ERBB4: variants seen among roughly 807,000 people sequenced by gnomAD.
ERBB4 encodes the protein erb-b2 receptor tyrosine kinase 4, also known as receptor tyrosine-protein kinase erbB-4.
A neutral mutation model predicts 158.0 loss-of-function variants in ERBB4; 42 were observed. That is an observed-to-expected ratio of 0.27 (90% confidence interval 0.21 to 0.34). The LOEUF (loss-of-function observed/expected upper bound fraction) is 0.34, where lower values mean the gene tolerates loss of function less well. Among genes scored for constraint, ERBB4 ranks in the 10% least tolerant of loss-of-function variants. The pLI, the probability that ERBB4 is intolerant of heterozygous loss-of-function variation, is 1.00. For missense variants in ERBB4, 1,333 were observed against 1,624.1 expected (o/e 0.82, Z 3.08); for synonymous variants, 583 against 558.7 (o/e 1.04, Z -0.61).
intron 2 of ERBB4, among the ~76,000 whole-genome samples, chr2:212,021,648 G>A (rs6435684): frequency 0.63 from 95,457 of 151,960 alleles, 33,337 homozygotes; most frequent in East Asian, 0.93. Context: ...ATACCATTCA[G>A]GACATGGGCA....
At chr2:211,812,574 A>T (rs1336731196) in intron 3 of ERBB4, among the ~76,000 whole-genome samples, 1 of 152,182 alleles carries the variant, frequency 6.6e-6, no homozygotes, top group Non-Finnish European at 1.5e-5. Context: ...CTCTCCTCAG[A>T]GCTGTCAGAC....
At chr2:211,925,150 A>C (rs985742943) in intron 3 of ERBB4, among the ~76,000 whole-genome samples, 1 of 152,198 alleles carries the variant, frequency 6.6e-6, no homozygotes, top group African/African-American at 2.4e-5. Flanking sequence ...CACAGGAAGA[A>C]AACACCAGCT....
intron 3 of ERBB4, among the ~76,000 whole-genome samples, chr2:211,823,353 T>G (rs67938035): frequency 1.3e-5 from 2 of 151,644 alleles, no homozygotes; most frequent in East Asian, 3.9e-4. Flanking sequence ...AGACCCAAGC[T>G]TAATCTAGTA....
chr2:212,303,448 AC>A (rs929104974), intron 1 of ERBB4, among the ~76,000 whole-genome samples: 1 of 149,282 alleles, frequency 6.7e-6, no homozygotes, highest in African/African-American at 2.5e-5. Context: ...ACTTTGTTCT[AC>A]TGATATTTGA....
intron 1 of ERBB4, among the ~76,000 whole-genome samples, chr2:212,444,363 C>T (rs1302131392): frequency 6.6e-6 from 1 of 152,068 alleles, no homozygotes. Flanking sequence ...GGAGAAATGG[C>T]CAGATGTGCG....
rs747886025 is a variant in ERBB4 at position 211,386,970 on chromosome 2, C to A, written c.3364G>T (p.Asp1122Tyr). The A allele has an allele frequency of 1.2e-6, 2 of 1,614,092 alleles. No homozygotes were observed. The highest frequency in any genetic ancestry group is 3.3e-5 in the Admixed American group (2 of 60,008). ...GCACTGTACCTCTGGGTGCTACTGT[C>A]CTCTTGGACATGGGGTGCCACTGGC... ...RKPVAPHVQE[D>Y]SSTQRYSADP... is the part of the protein sequence containing the mutation. Residue 1122 changes from aspartate (D) to tyrosine (Y), a missense_variant, in exon 27 of 28, where the codon GAC becomes TAC. Asp to Tyr is a radical substitution (Grantham distance 160). Transcript: ENST00000342788.
chr2:212,297,103 T>G (rs1044703863), intron 1 of ERBB4, among the ~76,000 whole-genome samples: 1 of 152,032 alleles, frequency 6.6e-6, no homozygotes, highest in Non-Finnish European at 1.5e-5. Context: ...AAATGTGGTA[T>G]TATTCACATC....
At chr2:212,397,207 G>T in intron 1 of ERBB4, among the ~76,000 whole-genome samples, 1 of 152,116 alleles carries the variant, frequency 6.6e-6, no homozygotes, top group East Asian at 1.9e-4. Flanking sequence ...GGCCATGGTG[G>T]TTCATGCCTG....
chr2:211,417,971 G>T (rs1461818754), intron 25 of ERBB4, among the ~76,000 whole-genome samples: 1 of 152,064 alleles, frequency 6.6e-6, no homozygotes, highest in African/African-American at 2.4e-5. Context: ...ACTCATATAA[G>T]ATAGGCAATA....
intron 1 of ERBB4, among the ~76,000 whole-genome samples, chr2:212,357,066 T>C (rs1031215946): frequency 1.1e-4 from 16 of 151,944 alleles, no homozygotes; most frequent in Non-Finnish European, 1.2e-4. Flanking sequence ...AATAGTGTCT[T>C]ATACATAAGT....
chr2:212,355,796 G>T (rs2089441344), intron 1 of ERBB4, among the ~76,000 whole-genome samples: 1 of 151,818 alleles, frequency 6.6e-6, no homozygotes, highest in Non-Finnish European at 1.5e-5. Context: ...ATGCATGTAT[G>T]TATATATGTG....
intron 1 of ERBB4, among the ~76,000 whole-genome samples, chr2:212,314,935 C>T (rs1023002581): frequency 6.6e-6 from 1 of 151,148 alleles, no homozygotes; most frequent in East Asian, 2.0e-4. Context: ...AATTAACAAT[C>T]CCAAGCTTGT....
At chr2:212,259,220 A>G (rs923211173) in intron 1 of ERBB4, among the ~76,000 whole-genome samples, 1 of 152,186 alleles carries the variant, frequency 6.6e-6, no homozygotes, top group Non-Finnish European at 1.5e-5. Flanking sequence ...ATATTAAAAT[A>G]ACAGTCTAAT....
At chr2:212,393,709 C>T (rs1287451611) in intron 1 of ERBB4, among the ~76,000 whole-genome samples, 2 of 151,966 alleles carry the variant, frequency 1.3e-5, no homozygotes, top group Non-Finnish European at 2.9e-5. Flanking sequence ...CACCAGACCC[C>T]GAAATAAAAT....
intron 1 of ERBB4, among the ~76,000 whole-genome samples, chr2:212,219,566 G>A (rs2083221755): frequency 6.6e-6 from 1 of 151,088 alleles, no homozygotes; most frequent in African/African-American, 2.4e-5. Context: ...GTTAAATCCA[G>A]AATGGGGGGA....
chr2:211,712,310 A>G, intron 8 of ERBB4, 134 bp from the exon 9 acceptor site: 2 of 878,610 alleles, frequency 2.3e-6, no homozygotes, highest in South Asian at 1.7e-5. Context: ...TTGTTTTCTA[A>G]AAAGTAAAAT....
intron 20 of ERBB4, among the ~76,000 whole-genome samples, chr2:211,559,979 G>T (rs1407866329): frequency 3.3e-5 from 5 of 152,148 alleles, no homozygotes; most frequent in African/African-American, 1.2e-4. Flanking sequence ...GGTTGACTAG[G>T]AAAGACTCCA....
chr2:212,001,581 C>T (rs1200237553), intron 2 of ERBB4, among the ~76,000 whole-genome samples: 1 of 152,208 alleles, frequency 6.6e-6, no homozygotes, highest in East Asian at 1.9e-4. Context: ...GAATCCTTAA[C>T]AGCTCATTAC....
chr2:212,512,297 A>G (rs2106283048), intron 1 of ERBB4, among the ~76,000 whole-genome samples: 1 of 151,900 alleles, frequency 6.6e-6, no homozygotes, highest in African/African-American at 2.4e-5. Context: ...ACCTCTCTTT[A>G]TATTGGGAGA....
Sources: allele counts gnomAD v4.1 joint callset (sites outside exome capture counted in the v4.1 genomes callset), GRCh38; gene constraint gnomAD v4.1.1; transcripts MANE v1.5; gene names NCBI Gene and HGNC (gene_info 2026-07-23, HGNC 2026-07-21).